TBC1D19: variants seen among roughly 807,000 people sequenced by gnomAD.
The protein encoded by TBC1D19 is TBC1 domain family member 19.
TBC1D19 carries 60 observed loss-of-function variants against 89.0 expected under a neutral mutation model. The ratio of observed to expected loss-of-function variants is 0.67; its 90% CI spans 0.55 to 0.84. TBC1D19 has a LOEUF of 0.84. TBC1D19 is among the 40% of genes least tolerant of loss of function. The pLI, the probability that TBC1D19 is intolerant of heterozygous loss-of-function variation, is 0.00. For synonymous variants in TBC1D19, 189 were observed against 199.7 expected (o/e 0.95, Z 0.45); for missense variants, 500 against 610.8 (o/e 0.82, Z 1.91).
At chr4:26,654,034 G>C (rs1025325809) in intron 7 of TBC1D19, among the ~76,000 whole-genome samples, 4 of 152,106 alleles carry the variant, frequency 2.6e-5, no homozygotes, top group African/African-American at 9.7e-5. Context: ...TCCATGTTTA[G>C]TGCTTCCTTC....
At chr4:26,802,228 A>G in the TBC1D19 span, among the ~76,000 whole-genome samples, 2 of 152,242 alleles carry the variant, frequency 1.3e-5, no homozygotes, top group South Asian at 4.1e-4. Context: ...GAATAGCTGA[A>G]GAAATTATAA....
At chr4:26,849,531 C>A in the TBC1D19 span, among the ~76,000 whole-genome samples, 1 of 152,020 alleles carries the variant, frequency 6.6e-6, no homozygotes, top group African/African-American at 2.4e-5. Flanking sequence ...CTATTTTTAC[C>A]CTGATTATCA....
intron 18 of TBC1D19, among the ~76,000 whole-genome samples, chr4:26,743,371 G>GAT (rs910831918): frequency 2.0e-5 from 3 of 152,078 alleles, no homozygotes; most frequent in African/African-American, 7.2e-5. Flanking sequence ...ATAGCAAATA[G>GAT]ATAGCTCAGT....
intron 19 of TBC1D19, among the ~76,000 whole-genome samples, chr4:26,750,661 C>T (rs1718899597): frequency 6.6e-6 from 1 of 152,128 alleles, no homozygotes; most frequent in African/African-American, 2.4e-5. Flanking sequence ...GAAATGTAGT[C>T]TGCATTATTG....
the TBC1D19 span, among the ~76,000 whole-genome samples, chr4:26,801,057 G>C: frequency 6.6e-6 from 1 of 152,140 alleles, no homozygotes; most frequent in South Asian, 2.1e-4. Flanking sequence ...ATTGCTTTTG[G>C]TGTTTTAGAC....
chr4:26,757,228 A>G (rs1378305850), downstream of TBC1D19, among the ~76,000 whole-genome samples: 1 of 152,058 alleles, frequency 6.6e-6, no homozygotes, highest in Non-Finnish European at 1.5e-5. Flanking sequence ...TTGGCCAACC[A>G]GGTCTCAAAC....
At chr4:26,793,631 G>A in the TBC1D19 span, among the ~76,000 whole-genome samples, 2 of 151,866 alleles carry the variant, frequency 1.3e-5, no homozygotes, top group Non-Finnish European at 2.9e-5. Context: ...GCTGAGGTGG[G>A]GGAATCGCTT....
chr4:26,696,468 G>C (rs1444454770), intron 13 of TBC1D19, among the ~76,000 whole-genome samples: 1 of 152,124 alleles, frequency 6.6e-6, no homozygotes, highest in Non-Finnish European at 1.5e-5. Context: ...AAGTTAGCAA[G>C]GATATCCAGG....
At chr4:26,594,681 T>TC (rs1740079635) in intron 1 of TBC1D19, among the ~76,000 whole-genome samples, 1 of 152,166 alleles carries the variant, frequency 6.6e-6, no homozygotes. Flanking sequence ...TGCACAGATC[T>TC]CCCCCTACCC....
chr4:26,857,251 C>G, the TBC1D19 span, among the ~76,000 whole-genome samples: 1 of 152,242 alleles, frequency 6.6e-6, no homozygotes, highest in Non-Finnish European at 1.5e-5. Flanking sequence ...CTCAGCACCT[C>G]GAGTCCCTTG....
chr4:26,626,821 T>TTTTTTA (rs950628559), intron 4 of TBC1D19, among the ~76,000 whole-genome samples: 1 of 150,032 alleles, frequency 6.7e-6, no homozygotes, highest in Non-Finnish European at 1.5e-5. Flanking sequence ...TCAAATTCTT[T>TTTTTTA]TTTTTATTTT....
At chr4:26,727,066 T>C (rs546778714) in intron 15 of TBC1D19, among the ~76,000 whole-genome samples, 2 of 152,276 alleles carry the variant, frequency 1.3e-5, no homozygotes, top group Middle Eastern at 3.4e-3. Flanking sequence ...TAATTACTTA[T>C]AGCAGACTTG....
chr4:26,584,426 C>CA lies in TBC1D19; in HGVS notation c.99+139dup. The CA allele has an allele frequency of 3.0e-5, 8 of 262,362 alleles. No individual in the cohort carries two copies. In the East Asian group the frequency reaches 4.9e-4, roughly 16 times the overall value. 16.3% of individuals were successfully genotyped at this position (262,362 alleles called of 1,614,324 possible). A position where few individuals can be genotyped will look rare whatever the true frequency, so the allele number is the denominator to read the frequency against. ...CTCTGGTGCTCAAAAAACAAACAGA[C>CA]AAAAACAAAAACAAAAACAAAAACA... is the stretch of plus-strand genomic sequence containing the variant. On this transcript the variant is annotated intron_variant, in intron 1 of 20. Coordinates refer to ENST00000264866, the MANE Select transcript of TBC1D19 (RefSeq NM_018317.4).
At chr4:26,638,311 T>C (rs536805812) in intron 5 of TBC1D19, among the ~76,000 whole-genome samples, 1 of 151,628 alleles carries the variant, frequency 6.6e-6, no homozygotes, top group Non-Finnish European at 1.5e-5. Context: ...GGATGGTGTT[T>C]AAAAAGGGAT....
At chr4:26,799,218 C>A in the TBC1D19 span, among the ~76,000 whole-genome samples, 1 of 152,092 alleles carries the variant, frequency 6.6e-6, no homozygotes, top group African/African-American at 2.4e-5. Flanking sequence ...GGTATTGGGG[C>A]CTATAGTCCC....
At chr4:26,609,306 A>G (rs1236984188) in intron 1 of TBC1D19, among the ~76,000 whole-genome samples, 1 of 152,088 alleles carries the variant, frequency 6.6e-6, no homozygotes, top group African/African-American at 2.4e-5. Flanking sequence ...AAAAATAAAG[A>G]CCCATTCCTT....
At chr4:26,626,886 T>A (rs961697338) in intron 4 of TBC1D19, among the ~76,000 whole-genome samples, 27 of 149,904 alleles carry the variant, frequency 1.8e-4, no homozygotes, top group Admixed American at 6.6e-4. Flanking sequence ...ATTTTTTATT[T>A]TTTTATTTTA....
At chr4:26,633,801 C>A (rs546541181) in intron 4 of TBC1D19, among the ~76,000 whole-genome samples, 1 of 152,066 alleles carries the variant, frequency 6.6e-6, no homozygotes, top group East Asian at 1.9e-4. Context: ...TTAATGGCAT[C>A]GGGAACTCAT....
At chr4:26,821,847 C>G in the TBC1D19 span, among the ~76,000 whole-genome samples, 2 of 152,216 alleles carry the variant, frequency 1.3e-5, no homozygotes, top group Non-Finnish European at 2.9e-5. Flanking sequence ...GCCAGGCGGA[C>G]CACTTTTCTC....
Sources: gnomAD v4.1 joint callset for allele counts (sites outside exome capture counted in the v4.1 genomes callset) on GRCh38, gnomAD v4.1.1 for gene constraint, MANE v1.5 for transcripts, NCBI Gene and HGNC (gene_info 2026-07-23, HGNC 2026-07-21) for gene names.